The following ATXN7L1 variants were observed in gnomAD, a reference collection of about 807,000 sequenced individuals.
ATXN7L1 encodes the protein ataxin-7-like protein 1.
Under a neutral mutation model 70.8 loss-of-function variants are expected in ATXN7L1, and 15 were observed. The observed-to-expected ratio is 0.21, with a 90% CI of 0.14 to 0.33. The LOEUF (loss-of-function observed/expected upper bound fraction) is 0.33. Among genes scored for constraint, ATXN7L1 ranks in the 10% least tolerant of loss-of-function variants. The pLI is 1.00. For synonymous variants in ATXN7L1, 440 were observed against 445.1 expected (o/e 0.99, Z 0.14); for missense variants, 975 against 1,097.1 (o/e 0.89, Z 1.57).
chr7:105,761,355 C>T (rs760178404), intron 3 of ATXN7L1: 19 of 1,613,670 alleles, frequency 1.2e-5, no homozygotes, highest in Middle Eastern at 3.3e-4. Flanking sequence ...AGAAGTTGTA[C>T]GTCTCTTCTG....
chr7:105,760,275 A>G, intron 3 of ATXN7L1: 1 of 970,322 alleles, frequency 1.0e-6, no homozygotes, highest in Non-Finnish European at 1.2e-6. Context: ...TTTACAGTTA[A>G]AAAAATGCTT....
chr7:105,737,658 A>G (rs1408588905), intron 3 of ATXN7L1, among the ~76,000 whole-genome samples: 1 of 152,014 alleles, frequency 6.6e-6, no homozygotes, highest in East Asian at 1.9e-4. Flanking sequence ...GTGTCCTAAG[A>G]TGTGCTGCCT....
chr7:105,751,245 A>C (rs1799177593), intron 3 of ATXN7L1, among the ~76,000 whole-genome samples: 2 of 152,098 alleles, frequency 1.3e-5, no homozygotes, highest in South Asian at 4.2e-4. Flanking sequence ...AGTGTTATAA[A>C]ACTCTCAATG....
At chr7:105,753,527 T>C (rs568043884) in intron 3 of ATXN7L1, among the ~76,000 whole-genome samples, 3 of 152,322 alleles carry the variant, frequency 2.0e-5, no homozygotes, top group African/African-American at 7.2e-5. Context: ...GATGTGGTTG[T>C]TTCTAAAGAG....
intron 2 of ATXN7L1, among the ~76,000 whole-genome samples, chr7:105,849,034 G>A (rs141629588): frequency 4.6e-5 from 7 of 152,268 alleles, no homozygotes; most frequent in African/African-American, 1.4e-4. Context: ...CATGACCTAA[G>A]GCTTATCCTC....
At position 105,638,506 on chromosome 7, in the gene ATXN7L1, T is replaced by C. The variant is rs370326878; in HGVS notation, c.1049A>G (p.Asp350Gly). 1.2e-5 allele frequency: 19 copies of C among 1,552,338 alleles called. No individual in the cohort carries two copies. The African/African-American group carries it at 2.5e-4, about 20-fold the overall frequency. The stretch of plus-strand genomic sequence containing the variant: ...CGTGGAAGTCAGGAGATGCTCTTTA[T>C]CTTTAACTTCTTTTTCCCGGGACTT... ...KAKSREKEVKDKEHLLTSTRE... is the reference protein window; with the variant it reads ...KAKSREKEVKGKEHLLTSTRE... Residue 350 changes from aspartate to glycine, a missense_variant, in exon 7 of 12, where the codon GAT becomes GGT. By Grantham distance (94) the Asp-to-Gly change is moderately conservative. This residue lies in a region of ATXN7L1 where 635 missense variants were observed against 699.4 expected (regional missense o/e 0.91). Transcript: ENST00000419735.
Position 105,797,753 on chromosome 7 carries a change from T to G in ATXN7L1, c.251-9045A>C, listed in dbSNP as rs147400036. Among the ~76,000 whole-genome samples, 17 of 152,336 alleles carry G rather than the reference T, an allele frequency of 1.1e-4. No individual in the cohort carries two copies. The East Asian group carries it at 3.1e-3, about 28-fold the overall frequency. On this transcript the variant is annotated intron_variant, in intron 2 of 11. Transcript: ENST00000419735. ...CACCTGGCCTCTCCTCAGGGAAGCC[T>G]CCCTCTCCCCTCCTGGTGCGCCCTC...
At chr7:105,616,523 T>A (rs1475250396) in intron 9 of ATXN7L1, among the ~76,000 whole-genome samples, 1 of 152,148 alleles carries the variant, frequency 6.6e-6, no homozygotes, top group African/African-American at 2.4e-5. Flanking sequence ...GAATTTACAT[T>A]CTCTCAAGCC....
rs1485318336 is a variant in ATXN7L1 at position 105,749,603 on chromosome 7, AAC to A, written c.355+38999_355+39000del. Reference sequence around the variant, plus strand: ...TGAGCCACTGTCCTCCAGCCTGGGCAACAGAGTGAGACTCTGTCTCAAAAAAA... The same window carrying A: ...TGAGCCACTGTCCTCCAGCCTGGGCAAGAGTGAGACTCTGTCTCAAAAAAA... On this transcript the variant is annotated intron_variant, in intron 3 of 11. Transcript: ENST00000419735. Among the ~76,000 whole-genome samples the A allele has an allele frequency of 2.7e-5, 4 of 150,600 alleles. No homozygotes were observed. The South Asian group carries it at 8.7e-4, about 33-fold the overall frequency.
intron 3 of ATXN7L1, among the ~76,000 whole-genome samples, chr7:105,721,492 C>T (rs62481255): frequency 6.6e-6 from 1 of 152,166 alleles, no homozygotes; most frequent in Non-Finnish European, 1.5e-5. Flanking sequence ...GCTGGGGCAC[C>T]GCTCTGCTGT....
At chr7:105,761,154 G>T in intron 3 of ATXN7L1, 1 of 1,253,466 alleles carries the variant, frequency 8.0e-7, no homozygotes, top group Non-Finnish European at 1.0e-6. Flanking sequence ...GCTTTGTGGT[G>T]GTGAAAATGA....
At chr7:105,819,595 T>C (rs931617691) in intron 2 of ATXN7L1, 68 of 933,248 alleles carry the variant, frequency 7.3e-5, no homozygotes, top group Non-Finnish European at 9.5e-5. Context: ...AAGGTGGAGG[T>C]CGTACGCTGT....
chr7:105,797,579 C>A (rs1012401064), intron 2 of ATXN7L1, among the ~76,000 whole-genome samples: 1 of 152,244 alleles, frequency 6.6e-6, no homozygotes, highest in Non-Finnish European at 1.5e-5. Context: ...AGCCCAAGTT[C>A]AAATTTGGCA....
chr7:105,627,534 C>CTT (rs1795885310), intron 7 of ATXN7L1, among the ~76,000 whole-genome samples: 1 of 122,970 alleles, frequency 8.1e-6, no homozygotes, highest in Non-Finnish European at 1.6e-5. Flanking sequence ...CTGTGCTAGG[C>CTT]CTTTTTTTTT....
At chr7:105,638,147 C>T (rs1484963368) in intron 7 of ATXN7L1, among the ~76,000 whole-genome samples, 1 of 152,230 alleles carries the variant, frequency 6.6e-6, no homozygotes, top group Admixed American at 6.5e-5. Context: ...ATAATGATGA[C>T]AGCAGTAAAA....
intron 2 of ATXN7L1, among the ~76,000 whole-genome samples, chr7:105,832,734 C>T (rs1811799264): frequency 6.6e-6 from 1 of 152,214 alleles, no homozygotes; most frequent in Non-Finnish European, 1.5e-5. Flanking sequence ...ACTGATTTCT[C>T]TCCTCCCCAG....
At chr7:105,615,076 C>T (rs1045108320) in intron 9 of ATXN7L1, among the ~76,000 whole-genome samples, 3 of 152,056 alleles carry the variant, frequency 2.0e-5, no homozygotes, top group African/African-American at 7.2e-5. Flanking sequence ...CTGGAGAAGG[C>T]CTGATTTGGG....
intron 3 of ATXN7L1, among the ~76,000 whole-genome samples, chr7:105,679,465 G>A (rs1242610957): frequency 6.6e-6 from 1 of 152,126 alleles, no homozygotes; most frequent in East Asian, 1.9e-4. Context: ...CTTCGCTCAG[G>A]GTCTGACCAT....
intron 6 of ATXN7L1, among the ~76,000 whole-genome samples, chr7:105,639,161 G>A (rs1333916178): frequency 3.3e-5 from 5 of 152,134 alleles, no homozygotes; most frequent in South Asian, 2.1e-4. Context: ...CGCCGCCGCC[G>A]CCGCTGCCGC....
Sources: allele counts gnomAD v4.1 joint callset (sites outside exome capture counted in the v4.1 genomes callset), GRCh38; gene constraint gnomAD v4.1.1; regional missense constraint gnomAD v4.1.1; transcripts MANE v1.5; gene names NCBI Gene and HGNC (gene_info 2026-07-23, HGNC 2026-07-21).